Variants in BTBD9 observed in about 807,000 individuals in gnomAD.
BTBD9 encodes the protein BTB/POZ domain-containing protein 9.
In BTBD9, 49 loss-of-function variants were observed where a neutral mutation model predicts 64.3. The observed-to-expected ratio is 0.76, with a 90% confidence interval of 0.61 to 0.97. The LOEUF (loss-of-function observed/expected upper bound fraction) is 0.97. BTBD9 is among the 50% of genes least tolerant of loss of function. The pLI is 0.00. For synonymous variants in BTBD9, 260 were observed against 274.7 expected (o/e 0.95, Z 0.53); for missense variants, 598 against 762.1 (o/e 0.78, Z 2.53).
intron 6 of BTBD9, among the ~76,000 whole-genome samples, chr6:38,532,400 T>C (rs1384637513): frequency 6.6e-6 from 1 of 152,154 alleles, no homozygotes; most frequent in Non-Finnish European, 1.5e-5. Context: ...GTTCTAGTGC[T>C]GAACTGGGCT....
intron 6 of BTBD9, among the ~76,000 whole-genome samples, chr6:38,394,857 ATTCATAAC>A (rs767452793): frequency 2.0e-5 from 3 of 152,084 alleles, no homozygotes; most frequent in Non-Finnish European, 4.4e-5. Context: ...TCTCAATCCT[ATTCATAAC>A]TTCAGATGAC....
intron 7 of BTBD9, among the ~76,000 whole-genome samples, chr6:38,314,979 T>C (rs13198868): frequency 1.3e-5 from 2 of 151,892 alleles, no homozygotes; most frequent in Admixed American, 6.6e-5. Context: ...CCTCCAAGTA[T>C]CTGGGACTAC....
chr6:38,521,955 G>A (rs552391316), intron 6 of BTBD9, among the ~76,000 whole-genome samples: 3 of 152,254 alleles, frequency 2.0e-5, no homozygotes, highest in African/African-American at 7.2e-5. Context: ...GGTTAGAGGT[G>A]TGAGCTACCA....
intron 1 of BTBD9, among the ~76,000 whole-genome samples, chr6:38,634,753 C>T (rs758526451): frequency 4.6e-5 from 7 of 152,272 alleles, no homozygotes; most frequent in Non-Finnish European, 4.4e-5. Context: ...GTGTGAGGTA[C>T]ATGCCATCAT....
chr6:38,456,577 G>C (rs141595227), intron 6 of BTBD9, among the ~76,000 whole-genome samples: 103 of 152,208 alleles, frequency 6.8e-4, no homozygotes, highest in African/African-American at 2.4e-3. Flanking sequence ...TGTTATCTCA[G>C]TGTGGTTTTA....
At chr6:38,245,447 T>C (rs1400397709) in intron 9 of BTBD9, among the ~76,000 whole-genome samples, 4 of 152,000 alleles carry the variant, frequency 2.6e-5, no homozygotes, top group Non-Finnish European at 5.9e-5. Context: ...AAAGGCTCTG[T>C]GTGAGGACAG....
intron 6 of BTBD9, among the ~76,000 whole-genome samples, chr6:38,562,913 C>G (rs1287009473): frequency 6.6e-6 from 1 of 152,160 alleles, no homozygotes; most frequent in Admixed American, 6.5e-5. Flanking sequence ...CCACTCTAAT[C>G]TGACTTCCAC....
chr6:38,454,649 C>G (rs1769714794), intron 6 of BTBD9, among the ~76,000 whole-genome samples: 1 of 151,466 alleles, frequency 6.6e-6, no homozygotes, highest in Admixed American at 6.6e-5. Context: ...ATTTTAAAAA[C>G]TAGCTGGGCA....
At chr6:38,307,701 C>T (rs1762675818) in intron 7 of BTBD9, among the ~76,000 whole-genome samples, 1 of 152,162 alleles carries the variant, frequency 6.6e-6, no homozygotes, top group African/African-American at 2.4e-5. Flanking sequence ...TTTACATTAG[C>T]AAGGTTGCCC....
rs757035905 is a variant in BTBD9 at position 38,254,475 on chromosome 6, C to CAAACA, written c.1562+1933_1562+1934insTGTTT. The stretch of plus-strand genomic sequence containing the variant: ...AAAAACAAACAAACAAACAAACAAA[C>CAAACA]AAAAAAAAACAATTAGCTGGGCACA... On this transcript the variant is annotated intron_variant, in intron 9 of 10. Coordinates refer to ENST00000481247, the MANE Select transcript of BTBD9 (RefSeq NM_001099272.2). 1.4e-3 allele frequency among the ~76,000 whole-genome samples: 210 copies of CAAACA among 149,778 alleles called. 4 individuals are homozygous for CAAACA. The East Asian group carries it at 0.031, about 22-fold the overall frequency.
intron 6 of BTBD9, among the ~76,000 whole-genome samples, chr6:38,451,163 A>G (rs951993647): frequency 5.9e-5 from 9 of 152,198 alleles, no homozygotes; most frequent in African/African-American, 2.2e-4. Context: ...GTTACTGCAC[A>G]CTAGAGTTAA....
chr6:38,619,469 G>C (rs376533035), intron 1 of BTBD9, among the ~76,000 whole-genome samples: 10 of 152,286 alleles, frequency 6.6e-5, no homozygotes, highest in African/African-American at 2.2e-4. Flanking sequence ...GTTTAAAAAA[G>C]ATTGTCCAAA....
At chr6:38,490,031 G>T (rs1315079359) in intron 6 of BTBD9, among the ~76,000 whole-genome samples, 2 of 152,198 alleles carry the variant, frequency 1.3e-5, no homozygotes, top group Non-Finnish European at 2.9e-5. Flanking sequence ...TATAAGGGAT[G>T]ATCTACCGAA....
At chr6:38,533,046 T>C (rs1254887391) in intron 6 of BTBD9, among the ~76,000 whole-genome samples, 1 of 151,778 alleles carries the variant, frequency 6.6e-6, no homozygotes, top group Non-Finnish European at 1.5e-5. Flanking sequence ...TACTTACCAA[T>C]GATAACAGTG....
At chr6:38,226,140 C>G (rs575267847) in intron 9 of BTBD9, among the ~76,000 whole-genome samples, 1 of 152,294 alleles carries the variant, frequency 6.6e-6, no homozygotes, top group South Asian at 2.1e-4. Context: ...TTTGCTCCAT[C>G]CATAGGAATG....
At chr6:38,515,170 A>T (rs1472977666) in intron 6 of BTBD9, among the ~76,000 whole-genome samples, 1 of 152,228 alleles carries the variant, frequency 6.6e-6, no homozygotes, top group Non-Finnish European at 1.5e-5. Flanking sequence ...TCAGCTGCAG[A>T]ATATTACTTC....
At chr6:38,415,634 C>T (rs1326904366) in intron 6 of BTBD9, among the ~76,000 whole-genome samples, 1 of 152,150 alleles carries the variant, frequency 6.6e-6, no homozygotes, top group Non-Finnish European at 1.5e-5. Flanking sequence ...GAGTTATCCT[C>T]TACTTCTATT....
intron 6 of BTBD9, among the ~76,000 whole-genome samples, chr6:38,346,485 A>G (rs1322763952): frequency 6.6e-6 from 1 of 152,084 alleles, no homozygotes; most frequent in African/African-American, 2.4e-5. Flanking sequence ...TACTGCAAGG[A>G]GACACCACTC....
chr6:38,630,928 C>A (rs1283797244), intron 1 of BTBD9, among the ~76,000 whole-genome samples: 1 of 152,144 alleles, frequency 6.6e-6, no homozygotes, highest in East Asian at 1.9e-4. Context: ...GTCACTGTAC[C>A]ATATGGAAAT....
Sources: gnomAD v4.1 joint callset for allele counts (sites outside exome capture counted in the v4.1 genomes callset) on GRCh38, gnomAD v4.1.1 for gene constraint, MANE v1.5 for transcripts, NCBI Gene and HGNC (gene_info 2026-07-23, HGNC 2026-07-21) for gene names.